The following KAZN variants were observed in gnomAD, a reference collection of about 807,000 sequenced individuals.
The protein encoded by KAZN is kazrin, periplakin interacting protein.
A neutral mutation model predicts 87.4 loss-of-function variants in KAZN; 40 were observed. That is an observed-to-expected ratio of 0.46 (90% confidence interval 0.36 to 0.60). KAZN has a LOEUF of 0.60. Ranked by LOEUF, KAZN falls within the 20% of genes least tolerant of loss-of-function variation. The pLI is 0.00. For synonymous variants in KAZN, 466 were observed against 458.3 expected (o/e 1.02, Z -0.22); for missense variants, 898 against 1,073.9 (o/e 0.84, Z 2.29).
intron 4 of KAZN, among the ~76,000 whole-genome samples, chr1:15,051,463 G>A (rs1311584087): frequency 2.0e-5 from 3 of 152,168 alleles, no homozygotes; most frequent in Admixed American, 6.5e-5. Context: ...TGAGACAGTG[G>A]GCCAGACCGG....
chr1:14,692,054 A>T (rs76051688), intron 1 of KAZN: 18 of 230,334 alleles, frequency 7.8e-5, no homozygotes, highest in Non-Finnish European at 1.2e-4. Context: ...TGGTAAAAAA[A>T]AAAAATAAAA....
At chr1:14,348,652 T>G (rs1398755154) in intron 2 of KAZN, among the ~76,000 whole-genome samples, 1 of 152,210 alleles carries the variant, frequency 6.6e-6, no homozygotes, top group East Asian at 1.9e-4. Flanking sequence ...AGGGGGATAG[T>G]TCACATTTTT....
intron 1 of KAZN, among the ~76,000 whole-genome samples, chr1:14,633,934 A>T (rs1342803188): frequency 6.6e-6 from 1 of 152,092 alleles, no homozygotes; most frequent in African/African-American, 2.4e-5. Context: ...GAGATGAAAA[A>T]TACCACAATT....
chr1:14,180,124 C>T (rs1363076469), intron 1 of KAZN, among the ~76,000 whole-genome samples: 1 of 151,880 alleles, frequency 6.6e-6, no homozygotes, highest in Non-Finnish European at 1.5e-5. Context: ...CTATTTAACA[C>T]CTTGATTTTT....
intron 1 of KAZN, among the ~76,000 whole-genome samples, chr1:14,847,754 G>A (rs1648955533): frequency 1.3e-5 from 2 of 152,214 alleles, no homozygotes; most frequent in African/African-American, 4.8e-5. Flanking sequence ...GCCGAGGTGG[G>A]AGGATCAGTT....
chr1:14,632,723 G>A (rs931391901), intron 1 of KAZN, among the ~76,000 whole-genome samples: 6 of 151,952 alleles, frequency 3.9e-5, no homozygotes, highest in African/African-American at 1.2e-4. Context: ...TGTAAACCTG[G>A]CAGAAATCCG....
At chr1:14,896,690 A>G (rs754163115) in intron 1 of KAZN, among the ~76,000 whole-genome samples, 1 of 152,214 alleles carries the variant, frequency 6.6e-6, no homozygotes, top group Non-Finnish European at 1.5e-5. Flanking sequence ...TCTAGGGCCA[A>G]GAGAGGAACT....
rs1557545093 is a variant in KAZN at position 14,184,990 on chromosome 1, G to A, written c.249+4398G>A. ...GGCCTCTGTGGCTGTCACTGGTACA[G>A]TTATCTGGAGCTTTCTAGCTGCTGC... On this transcript the variant is annotated intron_variant, in intron 2 of 16. Transcript: ENST00000636203. The surrounding 1 kb of genome is among the most constrained non-coding windows in gnomAD (Gnocchi z 4.2). Among the ~76,000 whole-genome samples, 1 of 152,174 alleles carries A rather than the reference G, an allele frequency of 6.6e-6. No individual in the cohort carries two copies.
chr1:14,554,518 A>G (rs932441615), intron 2 of KAZN, among the ~76,000 whole-genome samples: 11 of 152,180 alleles, frequency 7.2e-5, no homozygotes, highest in African/African-American at 2.2e-4. Context: ...CTGGCAGGAT[A>G]ACCTGACCCT....
At chr1:15,002,397 C>A (rs1668579194) in intron 2 of KAZN, among the ~76,000 whole-genome samples, 1 of 152,070 alleles carries the variant, frequency 6.6e-6, no homozygotes, top group African/African-American at 2.4e-5. Flanking sequence ...GGTCTGCAGC[C>A]CCAGAGGTGA....
intron 1 of KAZN, among the ~76,000 whole-genome samples, chr1:14,138,490 C>T (rs537650502): frequency 6.6e-6 from 1 of 152,134 alleles, no homozygotes; most frequent in Non-Finnish European, 1.5e-5. Flanking sequence ...ACGCCTGCAC[C>T]AGAACCAGTC....
chr1:14,637,610 T>C (rs1359971416), intron 1 of KAZN, among the ~76,000 whole-genome samples: 4 of 152,118 alleles, frequency 2.6e-5, no homozygotes, highest in South Asian at 4.1e-4. Context: ...TAATTACTCC[T>C]GGATGAAGTG....
At chr1:14,671,651 A>G (rs1030217132) in intron 1 of KAZN, among the ~76,000 whole-genome samples, 9 of 152,090 alleles carry the variant, frequency 5.9e-5, no homozygotes, top group Admixed American at 1.3e-4. Context: ...TTTTTTTTTT[A>G]AAGGACTGTT....
At chr1:13,906,494 C>G (rs984015362) in intron 1 of KAZN, among the ~76,000 whole-genome samples, 1 of 152,194 alleles carries the variant, frequency 6.6e-6, no homozygotes, top group African/African-American at 2.4e-5. Flanking sequence ...TGTACTACTG[C>G]TGAGAAGATG....
rs574622644 is a variant in KAZN at position 15,033,293 on chromosome 1, A to G, written c.419-1456A>G. Among the ~76,000 whole-genome samples, 26 of 152,308 alleles carry G rather than the reference A, an allele frequency of 1.7e-4. No homozygotes were observed. In the South Asian group the frequency reaches 5.2e-3, roughly 30 times the overall value. On this transcript the variant is annotated intron_variant, in intron 2 of 14. Transcript: ENST00000376030. ...TTAGGTAATATTCCATTGTGTGGAT[A>G]TATCTCATTTTGCTTATTAGTCATC...
chr1:14,078,141 G>A (rs952983843), intron 1 of KAZN, among the ~76,000 whole-genome samples: 1 of 152,172 alleles, frequency 6.6e-6, no homozygotes, highest in African/African-American at 2.4e-5. Context: ...TTCTCCATGT[G>A]GTTTAGCAAT....
chr1:13,955,774 T>G (rs1465204349), intron 1 of KAZN, among the ~76,000 whole-genome samples: 4 of 152,182 alleles, frequency 2.6e-5, no homozygotes, highest in Admixed American at 6.5e-5. Flanking sequence ...AGACAGTACA[T>G]TCCTACTATG....
chr1:14,135,746 C>G (rs978551151), intron 1 of KAZN, among the ~76,000 whole-genome samples: 1 of 152,176 alleles, frequency 6.6e-6, no homozygotes, highest in Non-Finnish European at 1.5e-5. Context: ...GAGAGTGTTG[C>G]TTTTGACCAA....
At chr1:14,580,703 T>C (rs1212463177) in intron 2 of KAZN, among the ~76,000 whole-genome samples, 1 of 152,076 alleles carries the variant, frequency 6.6e-6, no homozygotes, top group Non-Finnish European at 1.5e-5. Context: ...GCAGGTTTTA[T>C]GCTGCTTTAT....
Sources: gnomAD v4.1 joint callset for allele counts (sites outside exome capture counted in the v4.1 genomes callset) on GRCh38, gnomAD v4.1.1 for gene constraint, Gnocchi (gnomAD v3.1) non-coding constraint, MANE v1.5 for transcripts, NCBI Gene and HGNC (gene_info 2026-07-23, HGNC 2026-07-21) for gene names.